The following MTUS2 variants were observed in gnomAD, a reference collection of about 807,000 sequenced individuals.
The protein encoded by MTUS2 is microtubule-associated tumor suppressor candidate 2.
A neutral mutation model predicts 114.1 loss-of-function variants in MTUS2; 40 were observed. The ratio of observed to expected loss-of-function variants is 0.35; its 90% CI spans 0.27 to 0.46. MTUS2 has a LOEUF of 0.46. Among genes scored for constraint, MTUS2 ranks in the 20% least tolerant of loss-of-function variants. The pLI, the probability that MTUS2 is intolerant of heterozygous loss-of-function variation, is 1.00. For synonymous variants in MTUS2, 688 were observed against 672.0 expected (o/e 1.02, Z -0.37); for missense variants, 1,679 against 1,705.4 (o/e 0.98, Z 0.27).
chr13:29,375,636 TATACAC>T lies in MTUS2; in HGVS notation c.3117+16165_3117+16170del, dbSNP rs1871658020. Among the ~76,000 whole-genome samples, 6 of 8,926 alleles carry T rather than the reference TATACAC, an allele frequency of 6.7e-4. 1 individual carries two copies. Among genetic ancestry groups the T allele is most frequent in the Admixed American group, 2.3e-3 (1 of 432 alleles). The allele number at this position is 8,926 out of a possible 152,430, so 5.9% of individuals were successfully genotyped here. On this transcript the variant is annotated intron_variant, in intron 8 of 15. Transcript: ENST00000612955. ...ATATATATATATATATATATATATA[TATACAC>T]ACACCATGAAATACCACTCAGCTAT...
chr13:29,208,209 T>C (rs1895274288), intron 5 of MTUS2, among the ~76,000 whole-genome samples: 1 of 152,142 alleles, frequency 6.6e-6, no homozygotes, highest in Non-Finnish European at 1.5e-5. Flanking sequence ...TTTTCTACTT[T>C]GTGCATGTAA....
chr13:28,914,510 A>G (rs1423847321), intron 2 of MTUS2, among the ~76,000 whole-genome samples: 1 of 151,934 alleles, frequency 6.6e-6, no homozygotes, highest in African/African-American at 2.4e-5. Context: ...TTTACTTCTG[A>G]TTGTGTGATC....
chr13:29,350,230 C>T (rs1169476339), intron 7 of MTUS2, among the ~76,000 whole-genome samples: 2 of 151,752 alleles, frequency 1.3e-5, no homozygotes, highest in African/African-American at 2.4e-5. Context: ...TATCACAAGG[C>T]TAATATGAAG....
chr13:28,971,802 A>G (rs1449191262), intron 2 of MTUS2, among the ~76,000 whole-genome samples: 1 of 152,228 alleles, frequency 6.6e-6, no homozygotes, highest in Non-Finnish European at 1.5e-5. Context: ...CACTTACCCA[A>G]GGTCAGAAAG....
intron 2 of MTUS2, among the ~76,000 whole-genome samples, chr13:28,941,031 A>T (rs191641453): frequency 6.6e-6 from 1 of 151,756 alleles, no homozygotes; most frequent in African/African-American, 2.4e-5. Flanking sequence ...AATGATAGCT[A>T]TACTAAATAT....
At chr13:29,359,931 C>T (rs1046034631) in intron 8 of MTUS2, among the ~76,000 whole-genome samples, 1 of 152,156 alleles carries the variant, frequency 6.6e-6, no homozygotes, top group Non-Finnish European at 1.5e-5. Flanking sequence ...TGGGACTCTT[C>T]TCAAGGCCAT....
intron 5 of MTUS2, among the ~76,000 whole-genome samples, chr13:29,252,213 C>G (rs1897145425): frequency 6.6e-6 from 1 of 152,100 alleles, no homozygotes; most frequent in African/African-American, 2.4e-5. Flanking sequence ...TTAATAATTA[C>G]TATTAAGTAA....
At position 29,230,912 on chromosome 13, in the gene MTUS2, CT is replaced by C. The variant is rs1321898392; in HGVS notation, c.2645-50786del. On this transcript the variant is annotated intron_variant, in intron 5 of 15. Transcript: ENST00000612955. The stretch of plus-strand genomic sequence containing the variant: ...ACACAAGAATGGCAAGTCTTTAATC[CT>C]TTTTTCACCATTGGATTTTGCCTGC... Among the ~76,000 whole-genome samples the C allele has an allele frequency of 5.9e-5, 9 of 152,168 alleles. No individual in the cohort carries two copies. In the East Asian group the frequency reaches 1.7e-3, roughly 29 times the overall value.
chr13:29,124,456 A>T (rs995494601), intron 5 of MTUS2, among the ~76,000 whole-genome samples: 4 of 152,164 alleles, frequency 2.6e-5, no homozygotes, highest in African/African-American at 9.7e-5. Flanking sequence ...GGATGTGAAG[A>T]CATTGGAACC....
intron 8 of MTUS2, among the ~76,000 whole-genome samples, chr13:29,361,409 GCTAT>G (rs879301473): frequency 3.9e-5 from 6 of 151,922 alleles, no homozygotes; most frequent in African/African-American, 7.3e-5. Flanking sequence ...TGATCTCTAC[GCTAT>G]CTTTCTCTCC....
chr13:29,046,265 A>G (rs1298060714), intron 4 of MTUS2, among the ~76,000 whole-genome samples: 1 of 124,076 alleles, frequency 8.1e-6, no homozygotes, highest in Non-Finnish European at 1.7e-5. Context: ...GGCGTGCACC[A>G]CCATACCTGG....
At chr13:29,045,076 C>T (rs1451224095) in intron 4 of MTUS2, among the ~76,000 whole-genome samples, 1 of 152,214 alleles carries the variant, frequency 6.6e-6, no homozygotes, top group Non-Finnish European at 1.5e-5. Flanking sequence ...CTGGAGAAAA[C>T]TCTGCTTTTA....
At chr13:29,224,927 T>C (rs1053800842) in intron 5 of MTUS2, among the ~76,000 whole-genome samples, 4 of 152,222 alleles carry the variant, frequency 2.6e-5, no homozygotes, top group African/African-American at 9.6e-5. Context: ...ATATTATTAC[T>C]GATCCAATCA....
chr13:28,835,863 C>A (rs547596512), intron 1 of MTUS2, among the ~76,000 whole-genome samples: 49 of 152,244 alleles, frequency 3.2e-4, no homozygotes, highest in African/African-American at 1.2e-3. Context: ...CAGTAGAACT[C>A]TGAAAAAATA....
chr13:29,283,044 G>A (rs577636875), intron 6 of MTUS2, among the ~76,000 whole-genome samples: 1 of 152,198 alleles, frequency 6.6e-6, no homozygotes, highest in Non-Finnish European at 1.5e-5. Context: ...CCCTGGAGTG[G>A]TGTTGCTTTG....
At position 29,499,427 on chromosome 13, in the gene MTUS2, C is replaced by T. The variant is rs914821333; in HGVS notation, c.3798+890C>T. On this transcript the variant is annotated intron_variant, in intron 14 of 15. Coordinates refer to ENST00000612955, the MANE Select transcript of MTUS2 (RefSeq NM_001033602.4). ...CAGGATCTCAGATTCTTATTTTTTC[C>T]CTTTATTATTGTTACTTTAAAAATA... Among the ~76,000 whole-genome samples the T allele has an allele frequency of 3.9e-5, 6 of 152,264 alleles. No individual in the cohort carries two copies. The South Asian group carries it at 1.2e-3, about 32-fold the overall frequency.
At position 29,201,277 on chromosome 13, in the gene MTUS2, C is replaced by CT. The variant is rs570464249; in HGVS notation, c.2645-80421dup. ...ATCACTATGTAATGCCCTTCTTTGC[C>CT]TTTTTTGATCTTTGTTGGTTTAAAG... On this transcript the variant is annotated intron_variant, in intron 5 of 15. Coordinates refer to ENST00000612955, the MANE Select transcript of MTUS2 (RefSeq NM_001033602.4). Among the ~76,000 whole-genome samples, 153 of 151,286 alleles carry CT rather than the reference C, an allele frequency of 1.0e-3. 2 individuals carry two copies. The East Asian group carries it at 0.028, about 27-fold the overall frequency.
At chr13:29,175,479 G>A (rs145338236) in intron 5 of MTUS2, among the ~76,000 whole-genome samples, 3 of 152,116 alleles carry the variant, frequency 2.0e-5, no homozygotes, top group Non-Finnish European at 4.4e-5. Flanking sequence ...CCACTTATAC[G>A]TGGGCTAAAA....
At chr13:29,376,007 G>A (rs1272355210) in intron 8 of MTUS2, among the ~76,000 whole-genome samples, 1 of 99,612 alleles carries the variant, frequency 1.0e-5, no homozygotes, top group Non-Finnish European at 2.0e-5. Context: ...ATATGTGTGT[G>A]TGTGTGTATG....
Sources: gnomAD v4.1 joint callset for allele counts (sites outside exome capture counted in the v4.1 genomes callset) on GRCh38, gnomAD v4.1.1 for gene constraint, MANE v1.5 for transcripts, NCBI Gene and HGNC (gene_info 2026-07-23, HGNC 2026-07-21) for gene names.